Variants in MTERF4 observed in about 807,000 individuals in gnomAD.
MTERF4 encodes mitochondrial transcription termination factor 4, also known as transcription termination factor 4, mitochondrial.
MTERF4 carries 17 observed loss-of-function variants against 22.5 expected under a neutral mutation model. The observed-to-expected ratio is 0.75, with a 90% CI of 0.52 to 1.13. The LOEUF is 1.13. Ranked by LOEUF, MTERF4 falls within the 50% of genes most tolerant of loss-of-function variation. The pLI is 0.00. For synonymous variants in MTERF4, 165 were observed against 175.3 expected (o/e 0.94, Z 0.47); for missense variants, 420 against 466.8 (o/e 0.90, Z 0.92).
At position 241,096,294 on chromosome 2, in the gene MTERF4, G is replaced by C. The variant is rs773273570; in HGVS notation, c.850C>G (p.Gln284Glu). The change falls in exon 4 of 4, where the codon CAG becomes GAG. Residue 284 changes from glutamine to glutamate, a missense_variant. Gln to Glu is a conservative substitution (Grantham distance 29, BLOSUM62 2). Transcript: ENST00000391980. This position sits in a 1 kb window ranked among gnomAD's most constrained non-coding sequence, Gnocchi z 5.1. ...TCCTTGAGCAATGGGTTAGGGATCTGTGTCTGCCCCTTCTTATCAGGGGTT... is the reference window on the plus strand; with the variant it reads ...TCCTTGAGCAATGGGTTAGGGATCTCTGTCTGCCCCTTCTTATCAGGGGTT... Reference protein sequence around the residue: ...YQTPDKKGQTQIPNPLLKDIL... With the variant: ...YQTPDKKGQTEIPNPLLKDIL... 9.3e-6 allele frequency: 15 copies of C among 1,614,088 alleles called. No individual in the cohort carries two copies. The highest frequency in any genetic ancestry group is 3.3e-5 in the Admixed American group (2 of 60,006).
At chr2:241,050,338 T>C in the MTERF4 span, among the ~76,000 whole-genome samples, 1 of 152,240 alleles carries the variant, frequency 6.6e-6, no homozygotes, top group Non-Finnish European at 1.5e-5. Context: ...GTAAGCACAC[T>C]GCAGGCGTAG....
At chr2:241,047,139 AC>A in the MTERF4 span, among the ~76,000 whole-genome samples, 1 of 123,770 alleles carries the variant, frequency 8.1e-6, no homozygotes, top group Non-Finnish European at 1.6e-5. Flanking sequence ...AGAGAGCGAG[AC>A]TCTGTCAAAA....
Position 241,078,021 on chromosome 2 carries a change from A to G in MTERF4, n.480-2339T>C, listed in dbSNP as rs146561538. ...AACCTATGTCCACATGAGGTCCTGT[A>G]CACAAATATTTATAGCAGCACAGCA... On this transcript the variant is annotated intron_variant and non_coding_transcript_variant, in intron 4 of 4. Coordinates refer to the MTERF4 transcript ENST00000464344. 2.6e-5 allele frequency among the ~76,000 whole-genome samples: 4 copies of G among 152,302 alleles called. No homozygotes were observed. The East Asian group carries it at 7.7e-4, about 29-fold the overall frequency.
chr2:241,097,142 A>G, intron 3 of MTERF4, 101 bp downstream of exon 3: 5 of 1,399,920 alleles, frequency 3.6e-6, no homozygotes, highest in South Asian at 1.3e-5. Context: ...CTGTTACTAC[A>G]CTAATCACGG....
At chr2:241,065,603 TC>T in the MTERF4 span, 1 of 1,608,194 alleles carries the variant, frequency 6.2e-7, no homozygotes, top group Non-Finnish European at 8.5e-7. Context: ...CGCGTGAGTG[TC>T]CCCGAGCCTG....
downstream of MTERF4, chr2:241,088,195 A>C (rs1363228616): frequency 8.2e-6 from 5 of 606,814 alleles, no homozygotes; most frequent in East Asian, 1.4e-4. Flanking sequence ...GGGCGCACAC[A>C]AACTAAAATG....
chr2:241,047,211 T>A, the MTERF4 span, among the ~76,000 whole-genome samples: 2 of 149,478 alleles, frequency 1.3e-5, no homozygotes, highest in Non-Finnish European at 3.0e-5. Context: ...GCAGTGGCTA[T>A]ATTAATATCG....
At chr2:241,063,810 G>A in the MTERF4 span, 1 of 894,058 alleles carries the variant, frequency 1.1e-6, no homozygotes, top group Admixed American at 2.5e-5. Flanking sequence ...CTGGGGAGAG[G>A]GACCCCCAGG....
chr2:241,096,395 T>C lies in MTERF4; in HGVS notation c.749A>G (p.Lys250Arg). The change falls in exon 4 of 4, where the codon AAG (lysine) becomes AGG (arginine). Residue 250 changes from lysine (K) to arginine (R), a missense_variant. By Grantham distance (26) the Lys-to-Arg change is conservative. Coordinates refer to ENST00000391980, the MANE Select transcript of MTERF4 (RefSeq NM_182501.4). The surrounding 1 kb of genome is among the most constrained non-coding windows in gnomAD (Gnocchi z 5.1). The stretch of plus-strand genomic sequence containing the variant: ...TAGTGAATACTGCAAGTACTCACTC[T>C]TTACAATGTCTGGATGCTTAATTCC... ...RMGIKHPDIVKSEYLQYSLTK... is the reference protein window; with the variant it reads ...RMGIKHPDIVRSEYLQYSLTK... 6.2e-7 allele frequency: 1 copy of C among 1,614,206 alleles called. No homozygotes were observed. The highest frequency in any genetic ancestry group is 8.5e-7 in the Non-Finnish European group (1 of 1,180,046).
the MTERF4 span, chr2:241,052,021 G>C: frequency 6.2e-7 from 1 of 1,609,028 alleles, no homozygotes. Flanking sequence ...CTGTGACCCT[G>C]ACCTGGCTTC....
chr2:241,045,614 CA>C, the MTERF4 span, among the ~76,000 whole-genome samples: 1 of 150,740 alleles, frequency 6.6e-6, no homozygotes, highest in Non-Finnish European at 1.5e-5. Context: ...AAAAAAACCT[CA>C]ACTTCAACCT....
At chr2:241,048,364 G>A in the MTERF4 span, 3 of 1,611,494 alleles carry the variant, frequency 1.9e-6, no homozygotes, top group Non-Finnish European at 1.7e-6. Context: ...GCCACAATGG[G>A]GGCACCTGTG....
chr2:241,068,944 G>A, downstream of MTERF4: 1 of 1,555,408 alleles, frequency 6.4e-7, no homozygotes, highest in Non-Finnish European at 8.7e-7. The surrounding 1 kb of genome is among the most constrained non-coding windows in gnomAD (Gnocchi z 5.3). Flanking sequence ...ACACCATCCA[G>A]CTGACCACCC....
the MTERF4 span, among the ~76,000 whole-genome samples, chr2:241,057,377 C>CAAAAAAAAA: frequency 1.3e-5 from 1 of 75,120 alleles, no homozygotes; most frequent in African/African-American, 9.2e-5. Context: ...AACTCCATCT[C>CAAAAAAAAA]AAAATATATA....
downstream of MTERF4, chr2:241,069,007 G>A (rs771355860): frequency 1.3e-4 from 197 of 1,551,976 alleles, 1 homozygote; most frequent in Non-Finnish European, 8.8e-5. The surrounding 1 kb of genome is among the most constrained non-coding windows in gnomAD (Gnocchi z 4.9). Context: ...CCACCGCGCC[G>A]ACGCACGTGT....
chr2:241,082,858 C>A (rs2063395434), downstream of MTERF4, among the ~76,000 whole-genome samples: 1 of 152,236 alleles, frequency 6.6e-6, no homozygotes, highest in African/African-American at 2.4e-5. Flanking sequence ...CACTCTATGA[C>A]TCTGTCGGTC....
downstream of MTERF4, chr2:241,094,636 G>C: frequency 2.9e-6 from 1 of 343,458 alleles, no homozygotes; most frequent in South Asian, 2.3e-5. The surrounding 1 kb of genome is among the most constrained non-coding windows in gnomAD (Gnocchi z 4.3). Context: ...CATTACTGTT[G>C]TGGACCAGGC....
downstream of MTERF4, chr2:241,087,324 C>T: frequency 2.0e-6 from 3 of 1,471,902 alleles, no homozygotes; most frequent in South Asian, 3.9e-5. Context: ...GTTCACATAG[C>T]CTAGGTTAAG....
downstream of MTERF4, among the ~76,000 whole-genome samples, chr2:241,090,945 T>A (rs2063930761): frequency 6.6e-6 from 1 of 152,022 alleles, no homozygotes; most frequent in Admixed American, 6.6e-5. Context: ...ATGGGACCAC[T>A]GTCATGCGCG....
Sources: allele counts gnomAD v4.1 joint callset (sites outside exome capture counted in the v4.1 genomes callset), GRCh38; gene constraint gnomAD v4.1.1; non-coding constraint Gnocchi (gnomAD v3.1); transcripts MANE v1.5; gene names NCBI Gene and HGNC (gene_info 2026-07-23, HGNC 2026-07-21).